The following TLL2 variants were observed in gnomAD, a reference collection of about 807,000 sequenced individuals.
TLL2 encodes tolloid like 2, also known as tolloid-like protein 2.
TLL2 carries 106 observed loss-of-function variants against 123.0 expected under a neutral mutation model. That is an observed-to-expected ratio of 0.86 (90% CI 0.74 to 1.01). The LOEUF (loss-of-function observed/expected upper bound fraction) is 1.01, where lower values mean the gene tolerates loss of function less well. TLL2 is among the 50% of genes least tolerant of loss of function. The pLI is 0.00. For synonymous variants in TLL2, 494 were observed against 516.8 expected, an observed-to-expected ratio of 0.96 and a Z score of 0.60; for missense variants, 1,332 against 1,336.7, an observed-to-expected ratio of 1.00 and a Z score of 0.06.
Position 96,413,178 on chromosome 10 carries a change from C to A in TLL2, c.1048+14G>T. 1.2e-6 allele frequency: 2 copies of A among 1,613,572 alleles called. No individual in the cohort carries two copies. Among genetic ancestry groups the A allele is most frequent in the Non-Finnish European group, 1.7e-6 (2 of 1,179,628 alleles). On this transcript the variant is annotated intron_variant, in intron 8 of 20. Transcript: ENST00000357947. ...GCTAGGGAGGTGCTGGCAGTCCCCACGGCTCATAGTTACCTGGGCATTTGT... is the reference window on the plus strand; with the variant it reads ...GCTAGGGAGGTGCTGGCAGTCCCCAAGGCTCATAGTTACCTGGGCATTTGT...
chr10:96,368,575 C>CT (rs1846050675), intron 20 of TLL2, among the ~76,000 whole-genome samples: 1 of 152,210 alleles, frequency 6.6e-6, no homozygotes, highest in African/African-American at 2.4e-5. Context: ...CTTCAGGAAA[C>CT]TGAGACTCAA....
chr10:96,435,175 G>T (rs1846784358), intron 3 of TLL2, among the ~76,000 whole-genome samples: 1 of 151,784 alleles, frequency 6.6e-6, no homozygotes, highest in Admixed American at 6.6e-5. Context: ...GGGACTACAG[G>T]TGCCCACCAC....
At chr10:96,405,711 T>C (rs1790982918) in intron 9 of TLL2, among the ~76,000 whole-genome samples, 1 of 152,154 alleles carries the variant, frequency 6.6e-6, no homozygotes, top group Non-Finnish European at 1.5e-5. Flanking sequence ...TCTTATAACA[T>C]CATCAATCAT....
rs187086746 is a variant in TLL2 at position 96,396,706 on chromosome 10, G to A, written c.1384+480C>T. 7.9e-5 allele frequency among the ~76,000 whole-genome samples: 12 copies of A among 151,622 alleles called. No individual in the cohort carries two copies. In the East Asian group the frequency reaches 2.3e-3, roughly 29 times the overall value. ...AGCTGCCTAGAGCCCAGACCTATTG[G>A]TTCCCTCTACTCAGCCACCAGGGTA... On this transcript the variant is annotated intron_variant, in intron 11 of 20. Transcript: ENST00000357947.
chr10:96,507,000 T>C (rs1163385698), intron 1 of TLL2, among the ~76,000 whole-genome samples: 1 of 152,128 alleles, frequency 6.6e-6, no homozygotes, highest in Non-Finnish European at 1.5e-5. Flanking sequence ...TGGCAGCCAT[T>C]GCAGCTGCTT....
chr10:96,446,744 T>C lies in TLL2; in HGVS notation c.287-576A>G, dbSNP rs376521810. On this transcript the variant is annotated intron_variant, in intron 2 of 20. Transcript: ENST00000357947. The stretch of plus-strand genomic sequence containing the variant: ...TAGACACTCTGTTTACGAAGGACAG[T>C]GATGCTTGTACGTGTTTGCTAGTAG... 2.3e-4 allele frequency among the ~76,000 whole-genome samples: 35 copies of C among 152,332 alleles called. No individual in the cohort carries two copies. The East Asian group carries it at 4.6e-3, about 20-fold the overall frequency.
At chr10:96,373,528 C>T in intron 19 of TLL2, 68 bp downstream of exon 19, 1 of 1,469,544 alleles carries the variant, frequency 6.8e-7, no homozygotes, top group Non-Finnish European at 9.5e-7. Context: ...CCTTGTCGTG[C>T]CTTCACCATT....
At chr10:96,428,175 T>C (rs772672101) in intron 5 of TLL2, among the ~76,000 whole-genome samples, 10 of 152,230 alleles carry the variant, frequency 6.6e-5, no homozygotes, top group Non-Finnish European at 1.5e-4. Flanking sequence ...AACAGATAAC[T>C]TTAGTCATAA....
Position 96,428,708 on chromosome 10 carries a change from C to A in TLL2, c.561G>T (p.Trp187Cys). The A allele has an allele frequency of 6.2e-7, 1 of 1,614,058 alleles. No individual in the cohort carries two copies. Among genetic ancestry groups the A allele is most frequent in the Non-Finnish European group, 8.5e-7 (1 of 1,179,960 alleles). The change falls in exon 5 of 21, where the codon TGG becomes TGT. Residue 187 changes from tryptophan to cysteine, a missense_variant. Coordinates refer to ENST00000357947, the MANE Select transcript of TLL2 (RefSeq NM_012465.4). ...TGAAGGTCACACAGGTGTGCTTCTC[C>A]CAGTGTCTCATGGCCTGCTTAAAAA... Reference protein sequence around the residue: ...RAIFKQAMRHWEKHTCVTFIE... With the variant: ...RAIFKQAMRHCEKHTCVTFIE...
intron 1 of TLL2, among the ~76,000 whole-genome samples, chr10:96,507,215 T>C (rs1325002879): frequency 6.6e-6 from 1 of 152,082 alleles, no homozygotes; most frequent in African/African-American, 2.4e-5. Context: ...ACTCCACACC[T>C]GCTTGGCTGA....
At chr10:96,496,401 T>TA (rs138882762) in intron 1 of TLL2, among the ~76,000 whole-genome samples, 157 of 152,290 alleles carry the variant, frequency 1.0e-3, no homozygotes, top group African/African-American at 3.7e-3. Context: ...CTCTCCATGT[T>TA]AAAGGTCAGT....
intron 2 of TLL2, among the ~76,000 whole-genome samples, chr10:96,466,051 G>T (rs547511272): frequency 6.6e-6 from 1 of 152,360 alleles, no homozygotes; most frequent in South Asian, 2.1e-4. Flanking sequence ...GCTTGAAGGG[G>T]AATGGGAAAG....
chr10:96,391,508 T>A (rs1247055309), intron 13 of TLL2, among the ~76,000 whole-genome samples: 1 of 152,236 alleles, frequency 6.6e-6, no homozygotes, highest in Non-Finnish European at 1.5e-5. Context: ...TCCTTCCCTG[T>A]GGCTTTCAGG....
intron 1 of TLL2, 23 bp downstream of exon 1, chr10:96,513,488 A>G: frequency 6.2e-7 from 1 of 1,611,174 alleles, no homozygotes; most frequent in Middle Eastern, 1.7e-4. Flanking sequence ...CTTCTGCGGG[A>G]CTTCCCCAGC....
intron 14 of TLL2, 76 bp from the exon 15 acceptor site, chr10:96,386,291 G>C: frequency 2.9e-6 from 4 of 1,385,268 alleles, no homozygotes; most frequent in South Asian, 1.6e-5. Context: ...AGGAGCAATA[G>C]AGCCTTGCTG....
chr10:96,373,842 G>A (rs372346075), intron 18 of TLL2, 33 bp from the exon 19 acceptor site: 52 of 1,599,822 alleles, frequency 3.3e-5, no homozygotes, highest in Non-Finnish European at 4.2e-5. Context: ...TAAGGCAAGG[G>A]CCTGGCGTTC....
intron 8 of TLL2, among the ~76,000 whole-genome samples, chr10:96,410,837 C>T (rs7070979): frequency 0.09 from 13,688 of 152,082 alleles, 764 homozygotes; most frequent in African/African-American, 0.14. Context: ...TTAGTGAAAT[C>T]GTGTGCATTA....
chr10:96,395,625 G>C (rs1846332642), intron 12 of TLL2, among the ~76,000 whole-genome samples: 1 of 152,096 alleles, frequency 6.6e-6, no homozygotes, highest in Admixed American at 6.5e-5. Context: ...AACTTCCCTG[G>C]ATCCCATCCT....
In TLL2 at chr10:96,513,599, G is replaced by T; in HGVS notation, c.87C>A (p.Arg29=). The T allele has an allele frequency of 1.2e-6, 2 of 1,605,396 alleles. No individual in the cohort carries two copies. The highest frequency in any genetic ancestry group is 8.5e-7 in the Non-Finnish European group (1 of 1,178,982). The change falls in exon 1 of 21, where the codon CGC becomes CGA. Residue 29 remains arginine, a synonymous_variant. Transcript: ENST00000357947. ...CTGAGTAGTCTGCGGTGGCGTCCGGGCGCTCCCCGAGTCCCCCGGCGCCGC... is the reference window on the plus strand; with the variant it reads ...CTGAGTAGTCTGCGGTGGCGTCCGGTCGCTCCCCGAGTCCCCCGGCGCCGC... The part of the protein sequence containing the change: ...LPRGAGGLGE[R]PDATADYSEL...
Sources: gnomAD v4.1 joint callset for allele counts (sites outside exome capture counted in the v4.1 genomes callset) on GRCh38, gnomAD v4.1.1 for gene constraint, MANE v1.5 for transcripts, NCBI Gene and HGNC (gene_info 2026-07-23, HGNC 2026-07-21) for gene names.